PTPRM: variants seen among roughly 807,000 people sequenced by gnomAD.
PTPRM encodes the protein receptor-type tyrosine-protein phosphatase mu.
Under a neutral mutation model 186.7 loss-of-function variants are expected in PTPRM, and 47 were observed. That is an observed-to-expected ratio of 0.25 (90% confidence interval 0.20 to 0.32). The LOEUF (loss-of-function observed/expected upper bound fraction) is 0.32, where lower values mean the gene tolerates loss of function less well. PTPRM is among the 10% of genes least tolerant of loss of function. PTPRM has a pLI of 1.00. For missense variants in PTPRM, 1,494 were observed against 1,865.0 expected (o/e 0.80, Z 3.66); for synonymous variants, 668 against 674.9 (o/e 0.99, Z 0.16).
rs529674367 is a variant in PTPRM, at chr18:8,116,178, A to C, written c.2167+1351A>C. Reference sequence around the variant, plus strand: ...TCCATTGATGCTCTTAGATCTCAAGATTATGGTCCATACTCAACAACAGGA... The same window carrying C: ...TCCATTGATGCTCTTAGATCTCAAGCTTATGGTCCATACTCAACAACAGGA... On this transcript the variant is annotated intron_variant, in intron 13 of 32. Transcript: ENST00000580170. Among the ~76,000 whole-genome samples the C allele has an allele frequency of 1.5e-4, 23 of 152,292 alleles. No homozygotes were observed. In the East Asian group the frequency reaches 4.2e-3, roughly 28 times the overall value.
intron 21 of PTPRM, among the ~76,000 whole-genome samples, chr18:8,318,444 A>C (rs2095325145): frequency 6.6e-6 from 1 of 151,618 alleles, no homozygotes; most frequent in Non-Finnish European, 1.5e-5. Context: ...CTACAGGTGC[A>C]TGCCACCACA....
intron 7 of PTPRM, among the ~76,000 whole-genome samples, chr18:7,957,475 T>C (rs16952719): frequency 0.022 from 3,345 of 152,310 alleles, 125 homozygotes; most frequent in African/African-American, 0.077. Flanking sequence ...CTAATGACGA[T>C]GCGCCCTTTC....
chr18:8,172,941 T>C (rs540761752), intron 14 of PTPRM, among the ~76,000 whole-genome samples: 1 of 152,208 alleles, frequency 6.6e-6, no homozygotes, highest in African/African-American at 2.4e-5. Flanking sequence ...TGTATGTATA[T>C]CTACTTACAT....
At chr18:7,940,613 CGGCACAGTGGTGCGGCCAT>C (rs1280318272) in intron 5 of PTPRM, among the ~76,000 whole-genome samples, 5 of 150,776 alleles carry the variant, frequency 3.3e-5, no homozygotes, top group Non-Finnish European at 7.4e-5. Flanking sequence ...CTGAGTCAGC[CGGCACAGTGGTGCGGCCAT>C]GGCACAGTGG....
chr18:8,285,717 C>T (rs531501971), intron 19 of PTPRM, among the ~76,000 whole-genome samples: 4 of 152,204 alleles, frequency 2.6e-5, no homozygotes, highest in South Asian at 4.1e-4. Context: ...CTTGGCTGGG[C>T]GTGGTGGCTC....
chr18:7,583,796 G>T (rs1270820113), intron 1 of PTPRM, among the ~76,000 whole-genome samples: 1 of 152,142 alleles, frequency 6.6e-6, no homozygotes, highest in Non-Finnish European at 1.5e-5. Context: ...TAACGTGAAA[G>T]GTGCAAAATC....
chr18:8,182,246 G>A (rs537038359), intron 14 of PTPRM, among the ~76,000 whole-genome samples: 61 of 151,914 alleles, frequency 4.0e-4, no homozygotes, highest in Non-Finnish European at 6.2e-4. Context: ...CAGAGGGTAC[G>A]TGTGCAGGTT....
At chr18:7,926,790 C>T in intron 5 of PTPRM, 107 bp downstream of exon 5, 1 of 659,122 alleles carries the variant, frequency 1.5e-6, no homozygotes, top group South Asian at 3.8e-5. Context: ...GTAAGAGTTT[C>T]CTTCTTTGTT....
intron 1 of PTPRM, among the ~76,000 whole-genome samples, chr18:7,595,862 C>G (rs1346597410): frequency 6.6e-6 from 1 of 152,192 alleles, no homozygotes; most frequent in Non-Finnish European, 1.5e-5. Flanking sequence ...ACAAATCACC[C>G]TAGATATATT....
intron 4 of PTPRM, among the ~76,000 whole-genome samples, chr18:7,921,318 G>A (rs917354857): frequency 2.0e-5 from 3 of 150,396 alleles, no homozygotes; most frequent in Non-Finnish European, 4.4e-5. Flanking sequence ...TCAAATAGCT[G>A]TCTTCAAATT....
intron 19 of PTPRM, among the ~76,000 whole-genome samples, chr18:8,268,118 ACT>A (rs1431072192): frequency 6.6e-6 from 1 of 151,888 alleles, no homozygotes; most frequent in Non-Finnish European, 1.5e-5. Flanking sequence ...GTTAGGAAAA[ACT>A]CTGTATAGTT....
At chr18:8,284,044 A>G (rs1158019462) in intron 19 of PTPRM, among the ~76,000 whole-genome samples, 5 of 152,352 alleles carry the variant, frequency 3.3e-5, no homozygotes, top group African/African-American at 9.6e-5. Flanking sequence ...GCAAAAACTC[A>G]GATTCCCTTT....
chr18:8,356,089 A>G (rs2095561891), intron 23 of PTPRM, among the ~76,000 whole-genome samples: 1 of 152,220 alleles, frequency 6.6e-6, no homozygotes, highest in African/African-American at 2.4e-5. Flanking sequence ...GAATGGATGA[A>G]ATGGATGTTG....
At chr18:7,875,627 A>G (rs2048202155) in intron 2 of PTPRM, among the ~76,000 whole-genome samples, 1 of 152,072 alleles carries the variant, frequency 6.6e-6, no homozygotes, top group South Asian at 2.1e-4. Context: ...CCCGGCCAAC[A>G]TGCACCATTC....
rs187199262 is a variant in PTPRM, at chr18:8,224,520, C to G, written c.2301-19538C>G. Reference sequence around the variant, plus strand: ...TTGAGACTTGGAAAAACCAGATTGCCCATTTGAAAGCTGGTTCTGACTCAG... The same window carrying G: ...TTGAGACTTGGAAAAACCAGATTGCGCATTTGAAAGCTGGTTCTGACTCAG... On this transcript the variant is annotated intron_variant, in intron 14 of 32. Coordinates refer to ENST00000580170, the MANE Select transcript of PTPRM (RefSeq NM_001105244.2). Among the ~76,000 whole-genome samples, 5 of 152,258 alleles carry G rather than the reference C, an allele frequency of 3.3e-5. No homozygotes were observed. In the East Asian group the frequency reaches 9.7e-4, roughly 29 times the overall value.
intron 2 of PTPRM, among the ~76,000 whole-genome samples, chr18:7,861,269 T>A (rs529566421): frequency 6.6e-6 from 1 of 152,264 alleles, no homozygotes; most frequent in African/African-American, 2.4e-5. Flanking sequence ...GCTCTGTAAA[T>A]CCCCTAAAAA....
chr18:7,989,972 C>T (rs190170383), intron 7 of PTPRM, among the ~76,000 whole-genome samples: 49 of 152,276 alleles, frequency 3.2e-4, no homozygotes, highest in East Asian at 1.9e-3. Context: ...GGCACGATTT[C>T]GGCTCACTGT....
At chr18:7,827,443 C>T (rs2045543991) in intron 2 of PTPRM, among the ~76,000 whole-genome samples, 1 of 152,170 alleles carries the variant, frequency 6.6e-6, no homozygotes, top group South Asian at 2.1e-4. Flanking sequence ...TGTAGCACTC[C>T]CCACAGCTGT....
intron 1 of PTPRM, among the ~76,000 whole-genome samples, chr18:7,713,690 TGGAAAGCAAAA>T (rs1158629935): frequency 5.4e-5 from 5 of 92,836 alleles, no homozygotes; most frequent in African/African-American, 2.3e-4. Context: ...TCCAAGCAAA[TGGAAAGCAAAA>T]AAAAAAAAAA....
Sources: allele counts gnomAD v4.1 joint callset (sites outside exome capture counted in the v4.1 genomes callset), GRCh38; gene constraint gnomAD v4.1.1; transcripts MANE v1.5; gene names NCBI Gene and HGNC (gene_info 2026-07-23, HGNC 2026-07-21).